SBF2: variants seen among roughly 807,000 people sequenced by gnomAD.
SBF2 encodes the protein SET binding factor 2.
Under a neutral mutation model 225.2 loss-of-function variants are expected in SBF2, and 112 were observed. That is an observed-to-expected ratio of 0.50 (90% CI 0.43 to 0.58). The LOEUF (loss-of-function observed/expected upper bound fraction) is 0.58. Ranked by LOEUF, SBF2 falls within the 20% of genes least tolerant of loss-of-function variation. SBF2 has a pLI of 0.00. For missense variants in SBF2, 1,996 were observed against 2,206.2 expected (o/e 0.90, Z 1.91); for synonymous variants, 763 against 773.3 (o/e 0.99, Z 0.22).
rs186151832 is a variant in SBF2, at chr11:10,229,507, C to T, written c.56-35520G>A. Among the ~76,000 whole-genome samples, 597 of 152,214 alleles carry T rather than the reference C, an allele frequency of 3.9e-3. 4 individuals are homozygous for T. Among genetic ancestry groups the T allele is most frequent in the South Asian group, 5.6e-3 (27 of 4,824 alleles). Reference sequence around the variant, plus strand: ...TGAATGTGTTCCAGAGATTCTGGTACGTTGTGTCTTCGTTCTTGTTGGTTT... The same window carrying T: ...TGAATGTGTTCCAGAGATTCTGGTATGTTGTGTCTTCGTTCTTGTTGGTTT... On this transcript the variant is annotated intron_variant, in intron 1 of 39. Coordinates refer to ENST00000256190, the MANE Select transcript of SBF2 (RefSeq NM_030962.4).
intron 2 of SBF2, among the ~76,000 whole-genome samples, chr11:10,173,407 C>T (rs1251163269): frequency 1.3e-5 from 2 of 152,156 alleles, no homozygotes; most frequent in Non-Finnish European, 2.9e-5. Context: ...ACAGATGGCA[C>T]CTGGAAAATC....
chr11:10,067,253 C>A (rs1009029024), intron 2 of SBF2, among the ~76,000 whole-genome samples: 1 of 152,156 alleles, frequency 6.6e-6, no homozygotes, highest in Admixed American at 6.5e-5. Context: ...GAAGGGCTGG[C>A]CAACTTGATA....
intron 1 of SBF2, among the ~76,000 whole-genome samples, chr11:10,262,907 T>C (rs965778413): frequency 6.6e-6 from 1 of 152,006 alleles, no homozygotes; most frequent in African/African-American, 2.4e-5. Flanking sequence ...TACCTGAGGA[T>C]AAAAGGATCC....
intron 34 of SBF2, among the ~76,000 whole-genome samples, chr11:9,789,638 G>A (rs759553701): frequency 4.6e-5 from 7 of 152,174 alleles, no homozygotes; most frequent in African/African-American, 9.7e-5. Context: ...AGCACTGGAG[G>A]AGCTGGCCCC....
intron 1 of SBF2, among the ~76,000 whole-genome samples, chr11:10,227,713 T>G (rs1958635681): frequency 6.6e-6 from 1 of 152,254 alleles, no homozygotes; most frequent in Non-Finnish European, 1.5e-5. Context: ...CATGCTGTTT[T>G]GGTTACTGTA....
chr11:10,057,950 A>C (rs752339047), intron 2 of SBF2, among the ~76,000 whole-genome samples: 7 of 152,192 alleles, frequency 4.6e-5, no homozygotes, highest in Admixed American at 2.0e-4. Flanking sequence ...GTCAGCTTCA[A>C]ATAAAGACCC....
intron 6 of SBF2, among the ~76,000 whole-genome samples, chr11:10,011,554 C>T (rs574971726): frequency 2.6e-5 from 4 of 152,270 alleles, no homozygotes; most frequent in South Asian, 2.1e-4. Flanking sequence ...GGTCTACTAG[C>T]GATAAATCTG....
chr11:10,236,509 G>C (rs1003727432), intron 1 of SBF2, among the ~76,000 whole-genome samples: 1 of 152,124 alleles, frequency 6.6e-6, no homozygotes, highest in Non-Finnish European at 1.5e-5. Flanking sequence ...ACCCAGGCTG[G>C]AGTGCAGTGG....
At chr11:9,867,992 A>T (rs1053602887) in intron 17 of SBF2, among the ~76,000 whole-genome samples, 1 of 152,194 alleles carries the variant, frequency 6.6e-6, no homozygotes, top group East Asian at 1.9e-4. Context: ...TATATTTCAG[A>T]ATAGCTAGAT....
intron 2 of SBF2, among the ~76,000 whole-genome samples, chr11:10,063,858 C>CACACACACACACAGAG (rs373423157): frequency 6.6e-5 from 9 of 136,240 alleles, no homozygotes; most frequent in African/African-American, 2.2e-4. Flanking sequence ...CACACACACA[C>CACACACACACACAGAG]AGAGAGAGAG....
At chr11:9,866,884 T>C (rs185241038) in intron 17 of SBF2, among the ~76,000 whole-genome samples, 7 of 151,910 alleles carry the variant, frequency 4.6e-5, no homozygotes, top group Non-Finnish European at 7.4e-5. Flanking sequence ...AGCAACTCAA[T>C]AGCAAACAAA....
At chr11:9,808,513 C>T (rs1853979470) in intron 31 of SBF2, 1 of 442,952 alleles carries the variant, frequency 2.3e-6, no homozygotes, top group South Asian at 2.1e-5. Context: ...TTGGCAGATG[C>T]AGATTAATGT....
chr11:10,169,295 T>C (rs1279411361), intron 2 of SBF2, among the ~76,000 whole-genome samples: 1 of 152,190 alleles, frequency 6.6e-6, no homozygotes, highest in Non-Finnish European at 1.5e-5. Context: ...ACTATATTTT[T>C]GTGCCCATTA....
chr11:9,932,957 CAAAAAAAAAAA>C (rs574177096), intron 16 of SBF2, among the ~76,000 whole-genome samples: 4 of 58,772 alleles, frequency 6.8e-5, no homozygotes, highest in East Asian at 2.4e-3. Flanking sequence ...AAACGAAAAG[CAAAAAAAAAAA>C]AAAAAAAAAA....
At chr11:9,925,160 A>G (rs1309386140) in intron 16 of SBF2, among the ~76,000 whole-genome samples, 3 of 152,210 alleles carry the variant, frequency 2.0e-5, no homozygotes, top group Admixed American at 6.5e-5. Flanking sequence ...GTGTAATTTA[A>G]TATTTTCTGG....
intron 2 of SBF2, among the ~76,000 whole-genome samples, chr11:10,127,623 G>A (rs1406826679): frequency 6.6e-6 from 1 of 152,078 alleles, no homozygotes; most frequent in Non-Finnish European, 1.5e-5. Context: ...GTCAAAGTAT[G>A]TCATTTGACT....
At chr11:9,784,806 C>T in intron 37 of SBF2, 1 of 504,228 alleles carries the variant, frequency 2.0e-6, no homozygotes, top group South Asian at 2.1e-5. Context: ...CTTCAGCTAG[C>T]ATAAGCTGGA....
chr11:9,996,192 C>A (rs1275435582), intron 9 of SBF2, among the ~76,000 whole-genome samples: 2 of 152,092 alleles, frequency 1.3e-5, no homozygotes, highest in Non-Finnish European at 2.9e-5. Flanking sequence ...TGCTACTTAA[C>A]CCCTAAATAA....
intron 2 of SBF2, among the ~76,000 whole-genome samples, chr11:10,094,526 A>G (rs1166268855): frequency 1.3e-5 from 1 of 76,776 alleles, no homozygotes; most frequent in East Asian, 4.1e-4. Flanking sequence ...AAATACACAC[A>G]GATTTTTTTT....
Sources: gnomAD v4.1 joint callset for allele counts (sites outside exome capture counted in the v4.1 genomes callset) on GRCh38, gnomAD v4.1.1 for gene constraint, MANE v1.5 for transcripts, NCBI Gene and HGNC (gene_info 2026-07-23, HGNC 2026-07-21) for gene names.